Variants in CADPS2 observed in about 807,000 individuals in gnomAD.
CADPS2 encodes the protein calcium dependent secretion activator 2, also known as calcium-dependent secretion activator 2.
A neutral mutation model predicts 172.5 loss-of-function variants in CADPS2; 93 were observed. That is an observed-to-expected ratio of 0.54 (90% CI 0.46 to 0.64). CADPS2 has a LOEUF of 0.64. Among genes scored for constraint, CADPS2 ranks in the 30% least tolerant of loss-of-function variants. The pLI is 0.00. For missense variants in CADPS2, 1,420 were observed against 1,565.9 expected (o/e 0.91, Z 1.57); for synonymous variants, 546 against 555.2 (o/e 0.98, Z 0.23).
intron 9 of CADPS2, among the ~76,000 whole-genome samples, chr7:122,499,830 T>C (rs754734748): frequency 6.6e-6 from 1 of 151,904 alleles, no homozygotes; most frequent in African/African-American, 2.4e-5. Flanking sequence ...ATAGAAAATA[T>C]ATTGGGCAGC....
At chr7:122,801,007 AAG>A (rs767862097) in intron 1 of CADPS2, among the ~76,000 whole-genome samples, 24,369 of 144,710 alleles carry the variant, frequency 0.17, 3,819 homozygotes, top group African/African-American at 0.42. Flanking sequence ...AAAAAAAAAA[AAG>A]AAAATTCAAG....
intron 2 of CADPS2, among the ~76,000 whole-genome samples, chr7:122,721,412 T>A (rs1190968684): frequency 1.3e-5 from 2 of 152,192 alleles, no homozygotes; most frequent in African/African-American, 4.8e-5. Flanking sequence ...TACAAACACC[T>A]CTACGCAAAT....
intron 2 of CADPS2, among the ~76,000 whole-genome samples, chr7:122,671,331 C>T (rs1007165790): frequency 4.6e-5 from 7 of 152,072 alleles, no homozygotes; most frequent in Admixed American, 2.0e-4. Flanking sequence ...GATGGTTAAA[C>T]CAATGATTTA....
At chr7:122,580,176 G>C (rs544696239) in intron 7 of CADPS2, among the ~76,000 whole-genome samples, 1 of 151,970 alleles carries the variant, frequency 6.6e-6, no homozygotes, top group African/African-American at 2.4e-5. Context: ...TACAGAGGGC[G>C]GGTGTTGGTG....
At chr7:122,453,028 TTTTTCCAA>T (rs1227591346) in intron 14 of CADPS2, among the ~76,000 whole-genome samples, 1 of 152,180 alleles carries the variant, frequency 6.6e-6, no homozygotes, top group African/African-American at 2.4e-5. Context: ...TATGAGATTT[TTTTTCCAA>T]TATAGAGTAC....
intron 6 of CADPS2, among the ~76,000 whole-genome samples, chr7:122,611,348 A>T (rs1378438391): frequency 6.6e-6 from 1 of 152,104 alleles, no homozygotes; most frequent in Non-Finnish European, 1.5e-5. Flanking sequence ...AAATTACTAG[A>T]ATCGGAAACG....
chr7:122,599,933 T>C (rs938191817), intron 6 of CADPS2, among the ~76,000 whole-genome samples: 5 of 152,054 alleles, frequency 3.3e-5, no homozygotes, highest in Non-Finnish European at 7.4e-5. Flanking sequence ...TGATTATATT[T>C]TACTGTGAAA....
At chr7:122,614,969 T>A (rs2074729310) in intron 6 of CADPS2, among the ~76,000 whole-genome samples, 2 of 152,188 alleles carry the variant, frequency 1.3e-5, no homozygotes, top group Non-Finnish European at 2.9e-5. Flanking sequence ...GGATTTTCTG[T>A]TTGTACTACA....
At chr7:122,320,856 T>C (rs2032302115) in intron 29 of CADPS2, among the ~76,000 whole-genome samples, 1 of 152,214 alleles carries the variant, frequency 6.6e-6, no homozygotes, top group African/African-American at 2.4e-5. Context: ...TATTTACATG[T>C]ACCACTGGAT....
At chr7:122,401,278 G>A (rs2045920423) in intron 20 of CADPS2, among the ~76,000 whole-genome samples, 1 of 152,150 alleles carries the variant, frequency 6.6e-6, no homozygotes, top group South Asian at 2.1e-4. Context: ...GGTGTTCTTT[G>A]GGATGACTTT....
At chr7:122,474,879 G>A (rs995556920) in intron 12 of CADPS2, among the ~76,000 whole-genome samples, 14 of 152,144 alleles carry the variant, frequency 9.2e-5, no homozygotes, top group Non-Finnish European at 1.6e-4. Flanking sequence ...ATAAAAAACA[G>A]CAATGATGCC....
intron 6 of CADPS2, among the ~76,000 whole-genome samples, chr7:122,590,545 C>G (rs554613346): frequency 3.3e-5 from 5 of 151,862 alleles, no homozygotes; most frequent in Non-Finnish European, 7.4e-5. Context: ...AAGGTTGTTT[C>G]CAGTCTTAAC....
chr7:122,365,131 C>T (rs779891457), intron 25 of CADPS2, among the ~76,000 whole-genome samples: 21 of 152,154 alleles, frequency 1.4e-4, no homozygotes, highest in Non-Finnish European at 2.6e-4. Context: ...CTTCAGAGCA[C>T]GAAGCAGCAT....
At chr7:122,621,830 A>G (rs1031438331) in intron 4 of CADPS2, 113 bp from the exon 5 acceptor site, 5 of 662,276 alleles carry the variant, frequency 7.5e-6, no homozygotes, top group East Asian at 5.5e-5. Context: ...CACTCTCAAT[A>G]TATCTATCCT....
intron 25 of CADPS2, among the ~76,000 whole-genome samples, chr7:122,378,389 C>T (rs181804921): frequency 4.7e-4 from 72 of 152,238 alleles, no homozygotes; most frequent in Non-Finnish European, 9.1e-4. Context: ...CTTGCCTCAC[C>T]TGAAACTGAA....
intron 1 of CADPS2, among the ~76,000 whole-genome samples, chr7:122,771,691 C>T (rs1439657286): frequency 6.6e-6 from 1 of 152,094 alleles, no homozygotes; most frequent in African/African-American, 2.4e-5. Context: ...GGATCCCAAG[C>T]CAAAGAGGGA....
rs150239275 is a variant in CADPS2, at chr7:122,741,661, C to G, written c.340-4593G>C. On this transcript the variant is annotated intron_variant, in intron 1 of 29. Transcript: ENST00000449022. ...ATTCTAATCAACATATTAATCTGTA[C>G]AAAATCTACAAAAGTAGACTTTCAG... Among the ~76,000 whole-genome samples, 411 of 152,256 alleles carry G rather than the reference C, an allele frequency of 2.7e-3. 5 individuals are homozygous for G. Among genetic ancestry groups the G allele is most frequent in the Admixed American group, 0.018 (277 of 15,290 alleles).
chr7:122,407,143 A>C (rs998897348), intron 20 of CADPS2, among the ~76,000 whole-genome samples: 1 of 152,242 alleles, frequency 6.6e-6, no homozygotes, highest in Non-Finnish European at 1.5e-5. Flanking sequence ...AATGGACTTA[A>C]GCAGGAGCCT....
At chr7:122,385,616 T>A (rs1469678764) in intron 24 of CADPS2, among the ~76,000 whole-genome samples, 1 of 152,088 alleles carries the variant, frequency 6.6e-6, no homozygotes, top group African/African-American at 2.4e-5. Flanking sequence ...GCATAAAGGT[T>A]TTCTAACCTT....
Sources: gnomAD v4.1 joint callset for allele counts (sites outside exome capture counted in the v4.1 genomes callset) on GRCh38, gnomAD v4.1.1 for gene constraint, MANE v1.5 for transcripts, NCBI Gene and HGNC (gene_info 2026-07-23, HGNC 2026-07-21) for gene names.